The following PTPRN2 variants were observed in gnomAD, a reference collection of about 807,000 sequenced individuals.
The protein encoded by PTPRN2 is receptor-type tyrosine-protein phosphatase N2.
A neutral mutation model predicts 118.8 loss-of-function variants in PTPRN2; 74 were observed. The ratio of observed to expected loss-of-function variants is 0.62; its 90% confidence interval spans 0.52 to 0.76. The LOEUF (loss-of-function observed/expected upper bound fraction) is 0.76, where lower values mean the gene tolerates loss of function less well. Among genes scored for constraint, PTPRN2 ranks in the 30% least tolerant of loss-of-function variants. The pLI, the probability that PTPRN2 is intolerant of heterozygous loss-of-function variation, is 0.00. For missense variants in PTPRN2, 1,481 were observed against 1,394.4 expected, an observed-to-expected ratio of 1.06 and a Z score of -0.99; for synonymous variants, 641 against 608.0, an observed-to-expected ratio of 1.05 and a Z score of -0.80.
chr7:158,579,828 C>T (rs1171261386), intron 1 of PTPRN2, among the ~76,000 whole-genome samples: 1 of 152,160 alleles, frequency 6.6e-6, no homozygotes, highest in African/African-American at 2.4e-5. Context: ...ACCATAACAG[C>T]ATAACAAAGC....
At chr7:157,982,168 G>A (rs1803261335) in intron 11 of PTPRN2, among the ~76,000 whole-genome samples, 1 of 141,160 alleles carries the variant, frequency 7.1e-6, no homozygotes, top group South Asian at 2.2e-4. Context: ...ACAGAGATGA[G>A]GAGGGGAATG....
chr7:157,916,154 C>T (rs890668153), intron 11 of PTPRN2, among the ~76,000 whole-genome samples: 10 of 152,350 alleles, frequency 6.6e-5, no homozygotes, highest in Admixed American at 3.9e-4. Flanking sequence ...GAAATGGCAA[C>T]GACACCTTTT....
Position 157,682,877 on chromosome 7 carries a change from C to T in PTPRN2, c.1849G>A (p.Ala617Thr), listed in dbSNP as rs1368285903. ...CAGGCGAGGGAGACCAGGGTGAGCGCGATGAACTTGGTGGAGTCTTCTTGC... is the reference window on the plus strand; with the variant it reads ...CAGGCGAGGGAGACCAGGGTGAGCGTGATGAACTTGGTGGAGTCTTCTTGC... ...AEQEDSTKFI[A>T]LTLVSLACIL... Residue 617 changes from alanine to threonine, a missense_variant, in exon 13 of 23, where the codon GCG (alanine) becomes ACG (threonine). Physicochemically the swap from Ala to Thr is moderately conservative, Grantham distance 58. Transcript: ENST00000389418. The T allele has an allele frequency of 2.5e-6, 4 of 1,614,042 alleles. No homozygotes were observed. Among genetic ancestry groups the T allele is most frequent in the Non-Finnish European group, 3.4e-6 (4 of 1,179,984 alleles).
chr7:158,021,807 C>CGG (rs1806893865), intron 11 of PTPRN2, among the ~76,000 whole-genome samples: 1 of 152,206 alleles, frequency 6.6e-6, no homozygotes, highest in East Asian at 1.9e-4. Context: ...TTTTAGTCCA[C>CGG]CAGAAAAGAC....
At chr7:157,571,330 CAGTTAGTTATATTTATTAAGCAATTAGAA>C in intron 20 of PTPRN2, 81 bp downstream of exon 20, 1 of 841,090 alleles carries the variant, frequency 1.2e-6, no homozygotes, top group East Asian at 2.6e-5. Flanking sequence ...TTAGAAGTGC[CAGTTAGTTATATTTATTAAGCAATTAGAA>C]AGTTAAGCTT....
At chr7:157,577,485 GATAA>G (rs1219410919) in intron 18 of PTPRN2, among the ~76,000 whole-genome samples, 3 of 152,184 alleles carry the variant, frequency 2.0e-5, no homozygotes, top group African/African-American at 4.8e-5. Context: ...AATCCAGCCA[GATAA>G]ATAAACTGGT....
chr7:158,323,182 G>A lies in PTPRN2; in HGVS notation c.164-6250C>T, dbSNP rs115537513. Among the ~76,000 whole-genome samples the A allele has an allele frequency of 3.5e-3, 533 of 152,316 alleles. 4 individuals carry two copies. The highest frequency in any genetic ancestry group is 0.012 in the African/African-American group (497 of 41,566). ...AGGCGAGACATGGAAGGCGTCCCCC[G>A]ACAAGAATTCTGCCTGGCCTGGAAC... On this transcript the variant is annotated intron_variant, in intron 2 of 22. Coordinates refer to ENST00000389418, the MANE Select transcript of PTPRN2 (RefSeq NM_002847.5).
chr7:158,314,801 G>A (rs1802158087), intron 3 of PTPRN2, among the ~76,000 whole-genome samples: 1 of 152,282 alleles, frequency 6.6e-6, no homozygotes, highest in African/African-American at 2.4e-5. Context: ...GCAGACACGT[G>A]TAGCACTACA....
chr7:158,034,494 G>T (rs182555388), intron 11 of PTPRN2, among the ~76,000 whole-genome samples: 1 of 152,306 alleles, frequency 6.6e-6, no homozygotes, highest in Admixed American at 6.5e-5. Flanking sequence ...CCTGCACTTT[G>T]CCTGCTGCCA....
chr7:157,540,774 C>T lies in PTPRN2; in HGVS notation c.2988G>A (p.Glu996=). The T allele has an allele frequency of 6.4e-7, 1 of 1,566,030 alleles. No individual in the cohort carries two copies. The highest frequency in any genetic ancestry group is 8.7e-7 in the Non-Finnish European group (1 of 1,155,014). ...CCTCAGCCACGGCTGTCAGCGCGAA[C>T]TCAAACTGCTCCTGCAGGGCGAGAA... ...PGMVQTKEQF[E]FALTAVAEEV... The change falls in exon 23 of 23, where the codon GAG becomes GAA. Residue 996 remains glutamate (E), a synonymous_variant. Coordinates refer to ENST00000389418, the MANE Select transcript of PTPRN2 (RefSeq NM_002847.5).
At chr7:158,384,148 T>C (rs1811161005) in intron 2 of PTPRN2, among the ~76,000 whole-genome samples, 1 of 152,216 alleles carries the variant, frequency 6.6e-6, no homozygotes, top group Non-Finnish European at 1.5e-5. Flanking sequence ...CTGGGCTCGC[T>C]CAAGGTACTT....
chr7:157,909,225 T>C (rs893356258), intron 11 of PTPRN2, among the ~76,000 whole-genome samples: 3 of 152,228 alleles, frequency 2.0e-5, no homozygotes, highest in Non-Finnish European at 4.4e-5. Flanking sequence ...TTTGAATAAT[T>C]TTTTTCACTA....
intron 11 of PTPRN2, among the ~76,000 whole-genome samples, chr7:157,926,340 G>C (rs1490659224): frequency 6.6e-6 from 1 of 150,918 alleles, no homozygotes; most frequent in East Asian, 2.0e-4. Context: ...ACGTCCCTCT[G>C]TCTGTCCACC....
chr7:158,382,824 ACAAT>A (rs1811063879), intron 2 of PTPRN2, among the ~76,000 whole-genome samples: 2 of 152,230 alleles, frequency 1.3e-5, no homozygotes, highest in Admixed American at 6.5e-5. Context: ...CACAGAGATC[ACAAT>A]CAATCAATTG....
intron 13 of PTPRN2, among the ~76,000 whole-genome samples, chr7:157,657,629 C>CAT (rs1795627813): frequency 8.1e-6 from 1 of 124,154 alleles, no homozygotes; most frequent in East Asian, 2.6e-4. Context: ...TATACACACA[C>CAT]ACACCACACA....
At chr7:158,585,486 C>T (rs545754297) in intron 1 of PTPRN2, among the ~76,000 whole-genome samples, 1 of 152,314 alleles carries the variant, frequency 6.6e-6, no homozygotes, top group East Asian at 1.9e-4. Flanking sequence ...CTCTTTATGA[C>T]ACAGCCTTCT....
intron 2 of PTPRN2, among the ~76,000 whole-genome samples, chr7:158,424,351 C>A (rs545405566): frequency 1.3e-5 from 2 of 152,206 alleles, no homozygotes. Context: ...AGGAGCAAAG[C>A]GAGGCGTTTT....
intron 11 of PTPRN2, among the ~76,000 whole-genome samples, chr7:157,965,400 C>T (rs1001718468): frequency 4.6e-5 from 7 of 152,142 alleles, no homozygotes; most frequent in African/African-American, 7.2e-5. Flanking sequence ...ACGACAGCAC[C>T]GCAAGCATCT....
chr7:157,542,396 C>T (rs940031722), intron 22 of PTPRN2, among the ~76,000 whole-genome samples: 5 of 149,440 alleles, frequency 3.3e-5, no homozygotes, highest in Non-Finnish European at 4.4e-5. Flanking sequence ...TTACATCTTC[C>T]GACACACTGG....
Sources: allele counts gnomAD v4.1 joint callset (sites outside exome capture counted in the v4.1 genomes callset), GRCh38; gene constraint gnomAD v4.1.1; transcripts MANE v1.5; gene names NCBI Gene and HGNC (gene_info 2026-07-23, HGNC 2026-07-21).